CALN1: variants seen among roughly 807,000 people sequenced by gnomAD.
CALN1 encodes calcium-binding protein 8.
A neutral mutation model predicts 30.6 loss-of-function variants in CALN1; 17 were observed. The ratio of observed to expected loss-of-function variants is 0.56; its 90% CI spans 0.38 to 0.83. The LOEUF (loss-of-function observed/expected upper bound fraction) is 0.83. Among genes scored for constraint, CALN1 ranks in the 40% least tolerant of loss-of-function variants. The probability of loss-of-function intolerance (pLI) is 0.00; values close to 1 mark genes in which losing one functional copy is unlikely to be tolerated. For synonymous variants in CALN1, 156 were observed against 131.4 expected (o/e 1.19, Z -1.28); for missense variants, 291 against 354.9 (o/e 0.82, Z 1.45).
intron 5 of CALN1, among the ~76,000 whole-genome samples, chr7:71,947,663 G>A (rs1316560326): frequency 2.0e-5 from 3 of 152,012 alleles, no homozygotes; most frequent in Non-Finnish European, 2.9e-5. Context: ...AATTGCTGCC[G>A]GGCATGGAGG....
At chr7:72,367,210 A>G (rs994630148) in intron 2 of CALN1, among the ~76,000 whole-genome samples, 11 of 152,248 alleles carry the variant, frequency 7.2e-5, no homozygotes, top group Admixed American at 6.5e-4. Flanking sequence ...ATACAATGAT[A>G]GCATCTGGGG....
chr7:72,190,895 G>C (rs1349866886), intron 3 of CALN1, among the ~76,000 whole-genome samples: 1 of 151,828 alleles, frequency 6.6e-6, no homozygotes, highest in African/African-American at 2.4e-5. Flanking sequence ...CTCAAAACCT[G>C]ATTGGCATTC....
intron 4 of CALN1, among the ~76,000 whole-genome samples, chr7:72,091,367 G>T (rs1805849148): frequency 6.6e-6 from 1 of 152,082 alleles, no homozygotes. Context: ...GTAATTTATT[G>T]TATATTTCAA....
At chr7:71,812,929 C>CATCATCATTATT (rs1287091997) in intron 5 of CALN1, among the ~76,000 whole-genome samples, 8,076 of 136,332 alleles carry the variant, frequency 0.059, 261 homozygotes, top group Middle Eastern at 0.098. Flanking sequence ...TCATCATCAT[C>CATCATCATTATT]ATTATTATTA....
At chr7:71,924,476 T>A (rs535950917) in intron 5 of CALN1, among the ~76,000 whole-genome samples, 10 of 152,276 alleles carry the variant, frequency 6.6e-5, no homozygotes, top group African/African-American at 2.2e-4. Context: ...AAAACACCTA[T>A]GAAATTCTTA....
chr7:72,116,587 C>A (rs1290316125), intron 3 of CALN1, among the ~76,000 whole-genome samples: 3 of 152,122 alleles, frequency 2.0e-5, no homozygotes, highest in Non-Finnish European at 1.5e-5. Context: ...TGGATGGCGC[C>A]ATGCAAAAGG....
intron 5 of CALN1, among the ~76,000 whole-genome samples, chr7:71,856,045 A>G (rs549055588): frequency 6.6e-6 from 1 of 152,086 alleles, no homozygotes; most frequent in South Asian, 2.1e-4. Flanking sequence ...ATATGTAGAT[A>G]TGTATATATT....
chr7:71,965,053 G>T (rs550444480), intron 5 of CALN1, among the ~76,000 whole-genome samples: 2 of 152,156 alleles, frequency 1.3e-5, no homozygotes, highest in South Asian at 4.2e-4. Context: ...TTGGAGACAT[G>T]GTCTCACTCT....
intron 6 of CALN1, among the ~76,000 whole-genome samples, chr7:71,809,819 C>T (rs1462240387): frequency 6.6e-6 from 1 of 151,866 alleles, no homozygotes; most frequent in African/African-American, 2.4e-5. Context: ...AGGACTCTGT[C>T]CCTTTTTTTT....
chr7:71,968,818 G>C (rs574522590), intron 5 of CALN1, among the ~76,000 whole-genome samples: 98 of 152,072 alleles, frequency 6.4e-4, no homozygotes, highest in African/African-American at 2.3e-3. Context: ...GCTGAGGTGA[G>C]AGGATTGCTT....
chr7:72,220,249 T>A (rs1370287996), intron 3 of CALN1, among the ~76,000 whole-genome samples: 1 of 141,310 alleles, frequency 7.1e-6, no homozygotes, highest in Non-Finnish European at 1.5e-5. Flanking sequence ...TGTCCATGTG[T>A]TCTCATTGTT....
At chr7:71,945,866 C>T (rs1030649267) in intron 5 of CALN1, among the ~76,000 whole-genome samples, 2 of 152,170 alleles carry the variant, frequency 1.3e-5, no homozygotes, top group African/African-American at 4.8e-5. Context: ...GAAAACCATC[C>T]TTCCTCACTG....
At chr7:72,356,173 G>A (rs1189543638) in intron 2 of CALN1, among the ~76,000 whole-genome samples, 1 of 152,084 alleles carries the variant, frequency 6.6e-6, no homozygotes, top group East Asian at 1.9e-4. Context: ...TTTGTAAAAG[G>A]AAAGAATTGC....
At chr7:71,937,599 C>T (rs1037419190) in intron 5 of CALN1, among the ~76,000 whole-genome samples, 3 of 152,104 alleles carry the variant, frequency 2.0e-5, no homozygotes, top group African/African-American at 7.2e-5. Context: ...CCACCTCAGC[C>T]TCTTAAGCTG....
At chr7:71,861,571 T>A (rs977882087) in intron 5 of CALN1, among the ~76,000 whole-genome samples, 2 of 151,628 alleles carry the variant, frequency 1.3e-5, no homozygotes, top group Admixed American at 1.3e-4. Context: ...AGACCAGGAA[T>A]TCAAGACCAA....
chr7:71,858,229 C>T (rs1207230364), intron 5 of CALN1, among the ~76,000 whole-genome samples: 1 of 152,150 alleles, frequency 6.6e-6, no homozygotes, highest in African/African-American at 2.4e-5. Flanking sequence ...CATTCTTCTC[C>T]TTCCTGCTGT....
chr7:72,277,438 C>T (rs966603431), intron 3 of CALN1, among the ~76,000 whole-genome samples: 1 of 152,162 alleles, frequency 6.6e-6, no homozygotes, highest in African/African-American at 2.4e-5. Flanking sequence ...TCCTCTCAGG[C>T]CACCAGTCTT....
At chr7:72,257,253 A>C (rs1795976653) in intron 3 of CALN1, among the ~76,000 whole-genome samples, 1 of 152,130 alleles carries the variant, frequency 6.6e-6, no homozygotes, top group African/African-American at 2.4e-5. Flanking sequence ...CAGGTCCCTC[A>C]CTAGACACGT....
At chr7:72,331,887 T>C (rs562195970) in intron 2 of CALN1, among the ~76,000 whole-genome samples, 1 of 146,668 alleles carries the variant, frequency 6.8e-6, no homozygotes, top group African/African-American at 2.5e-5. Context: ...CCCAGTGTGT[T>C]TGTGCATCCC....
Sources: gnomAD v4.1 joint callset for allele counts (sites outside exome capture counted in the v4.1 genomes callset) on GRCh38, gnomAD v4.1.1 for gene constraint, MANE v1.5 for transcripts, NCBI Gene and HGNC (gene_info 2026-07-23, HGNC 2026-07-21) for gene names.